The following CELF3 variants were observed in gnomAD, a reference collection of about 807,000 sequenced individuals.
CELF3 encodes CUGBP Elav-like family member 3.
A neutral mutation model predicts 59.6 loss-of-function variants in CELF3; 26 were observed. That is an observed-to-expected ratio of 0.44 (90% confidence interval 0.32 to 0.61). The LOEUF is 0.61. Ranked by LOEUF, CELF3 falls within the 20% of genes least tolerant of loss-of-function variation. The probability of loss-of-function intolerance (pLI) is 0.06; values close to 1 mark genes in which losing one functional copy is unlikely to be tolerated. For missense variants in CELF3, 387 were observed against 627.2 expected (o/e 0.62, Z 4.09); for synonymous variants, 245 against 250.7 (o/e 0.98, Z 0.22).
rs1424153249 is a variant in CELF3 at position 151,709,122 on chromosome 1, C to T, written c.407-45G>A. On this transcript the variant is annotated intron_variant, in intron 4 of 12. Transcript: ENST00000290583. This position sits in a 1 kb window ranked among gnomAD's most constrained non-coding sequence, Gnocchi z 4.9. ...GGAGGAGAGGGGTAAGCACCCATCC[C>T]TGCGGGACCCCGCGGTGGAACCCGA... 1.9e-6 allele frequency: 3 copies of T among 1,607,878 alleles called. No homozygotes were observed. The highest frequency in any genetic ancestry group is 2.2e-5 in the East Asian group (1 of 44,700).
chr1:151,710,092 A>T (rs1461369898), intron 2 of CELF3: 10 of 416,178 alleles, frequency 2.4e-5, no homozygotes, highest in Non-Finnish European at 4.0e-5. Context: ...GCCTGCACAT[A>T]GGACCCGGGG....
At chr1:151,714,353 A>G (rs1365306972) in intron 2 of CELF3, 2 of 609,670 alleles carry the variant, frequency 3.3e-6, no homozygotes, top group Admixed American at 2.8e-5. Context: ...GAAGTGGGGA[A>G]GGGGCTGCAT....
Position 151,707,659 on chromosome 1 carries a change from G to A in CELF3, c.631-11C>T. On this transcript the variant is annotated splice_polypyrimidine_tract_variant and intron_variant, in intron 6 of 12. Transcript: ENST00000290583. ...CTGCTGCTGCATCAGCTGGGGGGAGGGGAGAGGAGAGTGGGGCAGGCCCCC... is the reference window on the plus strand; with the variant it reads ...CTGCTGCTGCATCAGCTGGGGGGAGAGGAGAGGAGAGTGGGGCAGGCCCCC... The A allele has an allele frequency of 6.2e-7, 1 of 1,604,238 alleles. No individual in the cohort carries two copies. The highest frequency in any genetic ancestry group is 1.1e-5 in the South Asian group (1 of 90,164).
rs139994697 is a variant in CELF3 at position 151,714,704 on chromosome 1, C to T, written c.146-28G>A. 34 of 1,496,990 alleles carry T rather than the reference C, an allele frequency of 2.3e-5. No homozygotes were observed. In the East Asian group the frequency reaches 6.9e-4, roughly 30 times the overall value. The allele number at this position is 1,496,990 out of a possible 1,614,324, so 92.7% of individuals were successfully genotyped here. A position where few individuals can be genotyped will look rare whatever the true frequency, so the allele number is the denominator to read the frequency against. On this transcript the variant is annotated intron_variant, in intron 1 of 12. Transcript: ENST00000290583. ...GAGGAGGGGCAGGGGCAGAGAAACA[C>T]GGCGGGGGGTGAGTCCTCCATCTCC...
In CELF3 at chr1:151,716,026, C is replaced by T. The variant is rs574081772; in HGVS notation, c.-6G>A. On this transcript the variant is annotated 5_prime_UTR_variant, in exon 1 of 13. Transcript: ENST00000290583. ...ATGGCATCCGGCTCCTTCATTGAGG[C>T]GGCCCAGGAGGAGGGGCCGAGGGGA... 1.6e-5 allele frequency: 26 copies of T among 1,608,186 alleles called. 1 individual carries two copies. The highest frequency in any genetic ancestry group is 6.7e-5 in the South Asian group (6 of 89,826).
At position 151,716,212 on chromosome 1, in the gene CELF3, G is replaced by C; in HGVS notation, c.-192C>G. 1.7e-6 allele frequency: 1 copy of C among 572,952 alleles called. No homozygotes were observed. The highest frequency in any genetic ancestry group is 2.4e-5 in the South Asian group (1 of 40,822). 35.5% of individuals were successfully genotyped at this position (572,952 alleles called of 1,614,324 possible). On this transcript the variant is annotated 5_prime_UTR_variant, in exon 1 of 13. Transcript: ENST00000290583. ...AGGAGGCCCAGGGAGTTGAGTGCTA[G>C]GGGTCAGGGGTCTAGGCAGACGCTG...
In CELF3 at chr1:151,714,685, G is replaced by A; in HGVS notation, c.146-9C>T. ...TGTCAGGAAGGCACATCCTGAGGAG[G>A]GGCAGGGGCAGAGAAACACGGCGGG... On this transcript the variant is annotated splice_polypyrimidine_tract_variant and intron_variant, in intron 1 of 12. Coordinates refer to ENST00000290583, the MANE Select transcript of CELF3 (RefSeq NM_007185.7). 6.4e-7 allele frequency: 1 copy of A among 1,552,202 alleles called. No homozygotes were observed. The highest frequency in any genetic ancestry group is 8.7e-7 in the Non-Finnish European group (1 of 1,146,516).
chr1:151,706,957 C>T (rs1258676122), intron 8 of CELF3, among the ~76,000 whole-genome samples, 188 bp downstream of exon 8: 3 of 152,054 alleles, frequency 2.0e-5, no homozygotes, highest in East Asian at 1.9e-4. Flanking sequence ...CTGGACAGGT[C>T]GCTTCACTGC....
chr1:151,706,342 G>A lies in CELF3; in HGVS notation c.1008C>T (p.Tyr336=), dbSNP rs571136156. 3.9e-6 allele frequency: 6 copies of A among 1,550,752 alleles called. No homozygotes were observed. The African/African-American group carries it at 8.2e-5, about 21-fold the overall frequency. The change falls in exon 10 of 13, where the codon TAC becomes TAT. Residue 336 remains tyrosine (Y), a synonymous_variant. Transcript: ENST00000290583. ...GCGGGAACGCAGGTGCAACCAGGCT[G>A]TAGGCTGCTGGGTAGGCTGCTGGGG... ...QHYTAAYPAA[Y]SLVAPAFPQP...
At chr1:151,713,060 A>C (rs1214319911) in intron 2 of CELF3, among the ~76,000 whole-genome samples, 3 of 152,158 alleles carry the variant, frequency 2.0e-5, no homozygotes, top group East Asian at 1.9e-4. Context: ...GTTCCTTCAA[A>C]CCCCTTGGAT....
chr1:151,706,779 TG>T (rs1558100149), intron 8 of CELF3, 45 bp from the exon 9 acceptor site: 2 of 1,445,386 alleles, frequency 1.4e-6, no homozygotes, highest in South Asian at 1.3e-5. Flanking sequence ...TGGCACACAG[TG>T]GGGGCCCTCA....
chr1:151,707,043 C>T, intron 8 of CELF3, 102 bp downstream of exon 8: 2 of 1,304,852 alleles, frequency 1.5e-6, no homozygotes, highest in Non-Finnish European at 1.0e-6. Flanking sequence ...GGAGGAAGCA[C>T]CTGTACCCCC....
Position 151,705,264 on chromosome 1 carries a change from A to G in CELF3, c.1271-96T>C. On this transcript the variant is annotated intron_variant, in intron 11 of 12. Transcript: ENST00000290583. The surrounding 1 kb of genome is among the most constrained non-coding windows in gnomAD (Gnocchi z 5.1). Reference sequence around the variant, plus strand: ...CTACCCTGTGTCTCCCAAGTGTCCCAAATGCCTAGAAAGCTGCCTGCCACA... The same window carrying G: ...CTACCCTGTGTCTCCCAAGTGTCCCGAATGCCTAGAAAGCTGCCTGCCACA... 1 of 1,380,068 alleles carries G rather than the reference A, an allele frequency of 7.2e-7. No homozygotes were observed. Among genetic ancestry groups the G allele is most frequent in the African/African-American group, 1.4e-5 (1 of 69,504 alleles). 85.5% of individuals were successfully genotyped at this position (1,380,068 alleles called of 1,614,324 possible).
rs1190999651 is a variant in CELF3 at position 151,700,459 on chromosome 1, T to C, written c.*3000A>G. Among the ~76,000 whole-genome samples the C allele has an allele frequency of 2.0e-5, 3 of 152,318 alleles. No individual in the cohort carries two copies. Among genetic ancestry groups the C allele is most frequent in the African/African-American group, 7.2e-5 (3 of 41,574 alleles). On this transcript the variant is annotated 3_prime_UTR_variant, in exon 13 of 13. Transcript: ENST00000290583. ...GGGACCAAACTTGCCTAGAGAACAA[T>C]GAATAGTTCTATTTGGGTATGTGTA...
intron 12 of CELF3, 126 bp from the exon 13 acceptor site, chr1:151,703,574 GATC>G: frequency 3.2e-6 from 1 of 310,554 alleles, no homozygotes; most frequent in Non-Finnish European, 6.5e-6. Flanking sequence ...GAGGAAGGCA[GATC>G]ATCAGGCCTC....
At position 151,707,288 on chromosome 1, in the gene CELF3, C is replaced by T. The variant is rs770081197; in HGVS notation, c.779G>A (p.Ser260Asn). 6.4e-6 allele frequency: 10 copies of T among 1,569,196 alleles called. No homozygotes were observed. The Admixed American group carries it at 1.6e-4, about 25-fold the overall frequency. ...ATPITPSSGT[S>N]TPPAIAATPV... Reference sequence around the variant, plus strand: ...CGTGGCAGCGATGGCAGGAGGGGTGCTGGTTCCTGGGGAGGAGAAAGCGAC... The same window carrying T: ...CGTGGCAGCGATGGCAGGAGGGGTGTTGGTTCCTGGGGAGGAGAAAGCGAC... The change falls in exon 8 of 13, where the codon AGC becomes AAC. Residue 260 changes from serine to asparagine, a missense_variant. This residue lies in a region of CELF3 where 131 missense variants were observed against 153.7 expected (regional missense o/e 0.85). Coordinates refer to ENST00000290583, the MANE Select transcript of CELF3 (RefSeq NM_007185.7).
In CELF3 at chr1:151,709,079, T is replaced by A; in HGVS notation, c.407-2A>T. Reference sequence around the variant, plus strand: ...TCTGGAACTTCACGAAGGCGCAGCCTGGAGAGGTTGAGATGGAGGAGGAGA... The same window carrying A: ...TCTGGAACTTCACGAAGGCGCAGCCAGGAGAGGTTGAGATGGAGGAGGAGA... On this transcript the variant is annotated splice_acceptor_variant, in intron 4 of 12. Coordinates refer to ENST00000290583, the MANE Select transcript of CELF3 (RefSeq NM_007185.7). LOFTEE classifies it high-confidence loss of function. The surrounding 1 kb of genome is among the most constrained non-coding windows in gnomAD (Gnocchi z 4.9). 6.2e-7 allele frequency: 1 copy of A among 1,613,406 alleles called. No individual in the cohort carries two copies. Among genetic ancestry groups the A allele is most frequent in the Non-Finnish European group, 8.5e-7 (1 of 1,179,708 alleles).
intron 10 of CELF3, 57 bp downstream of exon 10, chr1:151,706,165 CAG>C (rs1481947657): frequency 1.2e-6 from 2 of 1,610,190 alleles, no homozygotes; most frequent in Non-Finnish European, 1.7e-6. Flanking sequence ...CGCGGGGTGA[CAG>C]GGAGTCCCCA....
chr1:151,706,108 C>T (rs143103619), intron 10 of CELF3, 116 bp downstream of exon 10: 9 of 1,597,906 alleles, frequency 5.6e-6, no homozygotes, highest in African/African-American at 1.3e-5. Flanking sequence ...CGGCCACTCC[C>T]TCCCCACTTG....
Sources: gnomAD v4.1 joint callset for allele counts (sites outside exome capture counted in the v4.1 genomes callset) on GRCh38, gnomAD v4.1.1 for gene constraint, gnomAD v4.1.1 regional missense constraint, Gnocchi (gnomAD v3.1) non-coding constraint, MANE v1.5 for transcripts, NCBI Gene and HGNC (gene_info 2026-07-23, HGNC 2026-07-21) for gene names.